The following NEO1 variants were observed in gnomAD, a reference collection of about 807,000 sequenced individuals.
NEO1 encodes the protein neogenin 1, also known as neogenin.
Under a neutral mutation model 159.7 loss-of-function variants are expected in NEO1, and 63 were observed. The observed-to-expected ratio is 0.39, with a 90% CI of 0.32 to 0.49. The LOEUF (loss-of-function observed/expected upper bound fraction) is 0.49, where lower values mean the gene tolerates loss of function less well. Ranked by LOEUF, NEO1 falls within the 20% of genes least tolerant of loss-of-function variation. The probability of loss-of-function intolerance (pLI) is 0.85; values close to 1 mark genes in which losing one functional copy is unlikely to be tolerated. For missense variants in NEO1, 1,615 were observed against 1,831.0 expected (o/e 0.88, Z 2.15); for synonymous variants, 633 against 662.0 (o/e 0.96, Z 0.67).
chr15:73,270,499 C>G lies in NEO1; in HGVS notation c.2857+45C>G, dbSNP rs749381931. ...ATGTCACATGGCTGCTTTTACTTCC[C>G]AAGGAAAGAATTGAGTGCCTGAATT... On this transcript the variant is annotated intron_variant, in intron 18 of 28. Coordinates refer to ENST00000261908, the MANE Select transcript of NEO1 (RefSeq NM_002499.4). The G allele has an allele frequency of 1.9e-5, 30 of 1,559,122 alleles. No individual in the cohort carries two copies. In the African/African-American group the frequency reaches 3.2e-4, roughly 16 times the overall value.
At chr15:73,250,172 T>TTTTATATATATA (rs919003467) in intron 11 of NEO1, among the ~76,000 whole-genome samples, 1 of 151,162 alleles carries the variant, frequency 6.6e-6, no homozygotes, top group African/African-American at 2.4e-5. Context: ...CTAAATTAAG[T>TTTTATATATATA]TATATATATA....
chr15:73,290,202 G>A (rs1229646484), intron 25 of NEO1, among the ~76,000 whole-genome samples: 1 of 143,244 alleles, frequency 7.0e-6, no homozygotes, highest in Non-Finnish European at 1.5e-5. Context: ...TTTTAGAATA[G>A]CTTTAGGTTT....
At chr15:73,129,252 C>T (rs1053612929) in intron 4 of NEO1, among the ~76,000 whole-genome samples, 1 of 152,136 alleles carries the variant, frequency 6.6e-6, no homozygotes, top group Admixed American at 6.5e-5. Context: ...TATGTAATTA[C>T]CCAAAATATC....
intron 4 of NEO1, among the ~76,000 whole-genome samples, chr15:73,130,076 G>A (rs781646657): frequency 9.2e-5 from 14 of 152,082 alleles, no homozygotes; most frequent in Non-Finnish European, 1.9e-4. Flanking sequence ...GTTCACTGCA[G>A]CCTCCGCCTC....
At chr15:73,287,019 T>G (rs1445368215) in intron 23 of NEO1, among the ~76,000 whole-genome samples, 1 of 152,228 alleles carries the variant, frequency 6.6e-6, no homozygotes, top group Non-Finnish European at 1.5e-5. Flanking sequence ...CTTAAAACCA[T>G]TTAATGGTTT....
chr15:73,104,463 T>C (rs1034998000), intron 1 of NEO1, among the ~76,000 whole-genome samples: 3 of 152,164 alleles, frequency 2.0e-5, no homozygotes, highest in Non-Finnish European at 4.4e-5. Flanking sequence ...GCTTTGAAAA[T>C]AGAAAAGTAA....
intron 7 of NEO1, among the ~76,000 whole-genome samples, chr15:73,187,578 G>A (rs983422354): frequency 6.6e-6 from 1 of 152,066 alleles, no homozygotes; most frequent in East Asian, 1.9e-4. Context: ...CCTGACATTT[G>A]GTCTCTGTTT....
At chr15:73,080,565 C>CT (rs1203014124) in intron 1 of NEO1, among the ~76,000 whole-genome samples, 2 of 151,416 alleles carry the variant, frequency 1.3e-5, no homozygotes, top group Admixed American at 6.6e-5. Context: ...ATTATATATG[C>CT]TTCAAATTTC....
At chr15:73,279,591 C>T (rs1209455337) in intron 22 of NEO1, among the ~76,000 whole-genome samples, 7 of 151,974 alleles carry the variant, frequency 4.6e-5, no homozygotes, top group African/African-American at 7.2e-5. Context: ...TCAGGTGATC[C>T]GCCCACCTCG....
intron 26 of NEO1, among the ~76,000 whole-genome samples, chr15:73,296,671 C>A (rs770152599): frequency 6.6e-6 from 1 of 152,182 alleles, no homozygotes; most frequent in African/African-American, 2.4e-5. Flanking sequence ...GACCCTCCCC[C>A]TCCCCCCGCA....
chr15:73,283,066 T>C lies in NEO1; in HGVS notation c.3365T>C (p.Ile1122Thr), dbSNP rs1276696576. 1 of 1,614,208 alleles carries C rather than the reference T, an allele frequency of 6.2e-7. No homozygotes were observed. Among genetic ancestry groups the C allele is most frequent in the Non-Finnish European group, 8.5e-7 (1 of 1,180,048 alleles). ...VGVITIVVVV[I>T]IAVFCTRRTT... ...GTCATCACCATCGTGGTGGTTGTGATTATCGCTGTCTTTTGTACCCGTCGT... is the reference window on the plus strand; with the variant it reads ...GTCATCACCATCGTGGTGGTTGTGACTATCGCTGTCTTTTGTACCCGTCGT... The change falls in exon 23 of 29, where the codon ATT (isoleucine) becomes ACT (threonine). Residue 1122 changes from isoleucine to threonine, a missense_variant. Physicochemically the swap from Ile to Thr is moderately conservative, Grantham distance 89. This residue lies in a region of NEO1 where 471 missense variants were observed against 498.9 expected (regional missense o/e 0.94). Transcript: ENST00000261908.
intron 21 of NEO1, among the ~76,000 whole-genome samples, chr15:73,276,023 T>C (rs556554122): frequency 1.1e-4 from 16 of 152,304 alleles, no homozygotes; most frequent in African/African-American, 3.6e-4. Context: ...TTGCACTACA[T>C]TGGAGAAACT....
intron 5 of NEO1, among the ~76,000 whole-genome samples, chr15:73,169,774 T>C (rs2034831090): frequency 6.6e-6 from 1 of 151,058 alleles, no homozygotes; most frequent in Non-Finnish European, 1.5e-5. Flanking sequence ...TCTTGGAACA[T>C]GGTACCTTAG....
intron 7 of NEO1, among the ~76,000 whole-genome samples, chr15:73,186,008 G>GATA (rs754714119): frequency 3.3e-5 from 5 of 151,800 alleles, no homozygotes; most frequent in Admixed American, 2.6e-4. Flanking sequence ...CCATGATGAT[G>GATA]ATAATAATAA....
intron 28 of NEO1, among the ~76,000 whole-genome samples, chr15:73,302,035 C>T (rs1474317573): frequency 2.6e-5 from 4 of 152,316 alleles, no homozygotes; most frequent in African/African-American, 9.6e-5. Context: ...CCCCTTCCCC[C>T]ACATCCTGCC....
intron 5 of NEO1, among the ~76,000 whole-genome samples, chr15:73,147,229 A>G (rs148992043): frequency 6.6e-6 from 1 of 152,270 alleles, no homozygotes; most frequent in Non-Finnish European, 1.5e-5. Context: ...CAGTAAATGT[A>G]CCTCAGCTAA....
intron 5 of NEO1, among the ~76,000 whole-genome samples, chr15:73,164,215 T>G (rs1462014841): frequency 3.3e-5 from 5 of 149,466 alleles, no homozygotes; most frequent in Admixed American, 6.6e-5. Flanking sequence ...TATTGGTTTT[T>G]TTTTTTTTTT....
At position 73,298,401 on chromosome 15, in the gene NEO1, A is replaced by G. The variant is rs372709352; in HGVS notation, c.3955A>G (p.Thr1319Ala). The G allele has an allele frequency of 5.2e-5, 84 of 1,614,052 alleles. No homozygotes were observed. The highest frequency in any genetic ancestry group is 1.0e-4 in the Admixed American group (6 of 60,010). The change falls in exon 27 of 29, where the codon ACA becomes GCA. Residue 1319 changes from threonine to alanine, a missense_variant. Physicochemically the swap from Thr to Ala is moderately conservative, Grantham distance 58. This residue lies in a region of NEO1 where 471 missense variants were observed against 498.9 expected (regional missense o/e 0.94). Transcript: ENST00000261908. The part of the protein sequence containing the change: ...TDTMPASSSQ[T>A]CCTDHQDPEG... Reference sequence around the variant, plus strand: ...CACCATGCCAGCCTCTTCGTCTCAAACATGCTGCACTGATCACCAGGACCC... The same window carrying G: ...CACCATGCCAGCCTCTTCGTCTCAAGCATGCTGCACTGATCACCAGGACCC...
chr15:73,266,623 G>T (rs896377005), intron 16 of NEO1, among the ~76,000 whole-genome samples: 2 of 152,034 alleles, frequency 1.3e-5, no homozygotes, highest in Admixed American at 1.3e-4. Flanking sequence ...TGCCACGTAA[G>T]CCATTCTGTG....
Sources: allele counts gnomAD v4.1 joint callset (sites outside exome capture counted in the v4.1 genomes callset), GRCh38; gene constraint gnomAD v4.1.1; regional missense constraint gnomAD v4.1.1; transcripts MANE v1.5; gene names NCBI Gene and HGNC (gene_info 2026-07-23, HGNC 2026-07-21).